The following CFAP20DC variants were observed in gnomAD, a reference collection of about 807,000 sequenced individuals.
The protein encoded by CFAP20DC is protein CFAP20DC.
Under a neutral mutation model 101.7 loss-of-function variants are expected in CFAP20DC, and 84 were observed. The observed-to-expected ratio is 0.83, with a 90% confidence interval of 0.69 to 0.99. CFAP20DC has a LOEUF of 0.99. Ranked by LOEUF, CFAP20DC falls within the 50% of genes least tolerant of loss-of-function variation. The pLI, the probability that CFAP20DC is intolerant of heterozygous loss-of-function variation, is 0.00. For missense variants in CFAP20DC, 1,007 were observed against 970.3 expected (o/e 1.04, Z -0.50); for synonymous variants, 359 against 351.2 (o/e 1.02, Z -0.25).
intron 15 of CFAP20DC, among the ~76,000 whole-genome samples, chr3:58,762,837 A>C (rs58943876): frequency 0.089 from 13,445 of 151,582 alleles, 971 homozygotes; most frequent in East Asian, 0.35. Flanking sequence ...GTTGAAAATT[A>C]TTTTCTTTAA....
At chr3:58,809,025 T>C (rs2074368622) in intron 14 of CFAP20DC, among the ~76,000 whole-genome samples, 2 of 151,902 alleles carry the variant, frequency 1.3e-5, no homozygotes, top group African/African-American at 2.4e-5. Context: ...CTATCCTAAA[T>C]ATATATGCAC....
chr3:58,748,671 G>T (rs2068367596), intron 16 of CFAP20DC, among the ~76,000 whole-genome samples: 1 of 152,134 alleles, frequency 6.6e-6, no homozygotes, highest in African/African-American at 2.4e-5. Context: ...GGTGCTATGG[G>T]TCTAAGAAGA....
At chr3:58,780,519 A>T (rs563428733) in intron 15 of CFAP20DC, among the ~76,000 whole-genome samples, 194 of 152,176 alleles carry the variant, frequency 1.3e-3, no homozygotes, top group Middle Eastern at 0.01. Flanking sequence ...AAAAAAAAAG[A>T]TCCAAGTATA....
At position 58,869,360 on chromosome 3, in the gene CFAP20DC, A is replaced by G; in HGVS notation, c.983T>C (p.Ile328Thr). Residue 328 changes from isoleucine to threonine, a missense_variant, in exon 9 of 17, where the codon ATT becomes ACT. Ile to Thr is a moderately conservative substitution (Grantham distance 89). Transcript: ENST00000482387. This position sits in a 1 kb window ranked among gnomAD's most constrained non-coding sequence, Gnocchi z 4.3. ...ESEEQGNKEN[I>T]HQIKQTVPIH... Reference sequence around the variant, plus strand: ...AGGTACAGTCTGCTTTATTTGGTGAATATTTTCTTTATTTCCTTGTTCCTC... The same window carrying G: ...AGGTACAGTCTGCTTTATTTGGTGAGTATTTTCTTTATTTCCTTGTTCCTC... 1 of 1,613,556 alleles carries G rather than the reference A, an allele frequency of 6.2e-7. No individual in the cohort carries two copies. Among genetic ancestry groups the G allele is most frequent in the Non-Finnish European group, 8.5e-7 (1 of 1,179,636 alleles).
At chr3:58,949,243 A>G (rs551955072) in intron 4 of CFAP20DC, among the ~76,000 whole-genome samples, 1 of 152,234 alleles carries the variant, frequency 6.6e-6, no homozygotes, top group Admixed American at 6.5e-5. Flanking sequence ...CAGCTCCTGG[A>G]TTCATCGATT....
intron 12 of CFAP20DC, among the ~76,000 whole-genome samples, chr3:58,857,012 A>C (rs1387738528): frequency 1.3e-5 from 2 of 152,168 alleles, no homozygotes; most frequent in Non-Finnish European, 2.9e-5. Context: ...GTTTTCAGTA[A>C]ACATTAATGC....
At chr3:59,039,315 A>C (rs1458188567) in intron 4 of CFAP20DC, among the ~76,000 whole-genome samples, 2 of 152,102 alleles carry the variant, frequency 1.3e-5, no homozygotes, top group Non-Finnish European at 2.9e-5. Flanking sequence ...TTGTCAAAAT[A>C]ATAATCCTTT....
chr3:58,993,121 T>C (rs2092996207), intron 4 of CFAP20DC, among the ~76,000 whole-genome samples: 1 of 152,200 alleles, frequency 6.6e-6, no homozygotes, highest in Non-Finnish European at 1.5e-5. Flanking sequence ...GTTGAATATA[T>C]CTAACACCAC....
At chr3:58,875,075 C>T (rs1258939252) in intron 7 of CFAP20DC, among the ~76,000 whole-genome samples, 2 of 152,066 alleles carry the variant, frequency 1.3e-5, no homozygotes, top group Admixed American at 6.5e-5. Context: ...AACTCCAGGA[C>T]GTGAGGGATG....
intron 15 of CFAP20DC, among the ~76,000 whole-genome samples, chr3:58,755,078 C>T (rs1372727332): frequency 6.6e-6 from 1 of 152,144 alleles, no homozygotes; most frequent in Non-Finnish European, 1.5e-5. Flanking sequence ...GAATGATTAA[C>T]AGTCTATACA....
chr3:58,955,832 T>G (rs2090574263), intron 4 of CFAP20DC, among the ~76,000 whole-genome samples: 1 of 151,428 alleles, frequency 6.6e-6, no homozygotes. Context: ...GATTCTGTCT[T>G]GCACCTTGGA....
At chr3:58,765,838 A>C (rs1252256515) in intron 15 of CFAP20DC, among the ~76,000 whole-genome samples, 1 of 152,172 alleles carries the variant, frequency 6.6e-6, no homozygotes, top group East Asian at 1.9e-4. Flanking sequence ...AGATTTTAAA[A>C]ATCTTTTATG....
chr3:58,736,305 G>C (rs1378105764), intron 3 of CFAP20DC, among the ~76,000 whole-genome samples: 2 of 152,188 alleles, frequency 1.3e-5, no homozygotes, highest in African/African-American at 4.8e-5. Context: ...TTCAGGGTCT[G>C]AAATGTCTGA....
intron 4 of CFAP20DC, among the ~76,000 whole-genome samples, chr3:58,986,523 A>G (rs183340683): frequency 1.3e-5 from 2 of 152,214 alleles, no homozygotes; most frequent in East Asian, 3.9e-4. Context: ...AAAATCAAAA[A>G]CAAACTAGCA....
chr3:58,847,460 C>T (rs1290355444), intron 13 of CFAP20DC, among the ~76,000 whole-genome samples: 1 of 150,142 alleles, frequency 6.7e-6, no homozygotes, highest in Admixed American at 6.6e-5. Context: ...ATCAAAACCA[C>T]AATGAGATAC....
At chr3:59,019,879 T>C (rs1206504324) in intron 4 of CFAP20DC, among the ~76,000 whole-genome samples, 3 of 152,018 alleles carry the variant, frequency 2.0e-5, no homozygotes, top group African/African-American at 7.2e-5. Flanking sequence ...TACTAACATG[T>C]TATTTGTTTT....
At chr3:58,817,007 G>A (rs1008717825) in intron 14 of CFAP20DC, among the ~76,000 whole-genome samples, 1 of 152,122 alleles carries the variant, frequency 6.6e-6, no homozygotes, top group African/African-American at 2.4e-5. Flanking sequence ...GCCTAACTGG[G>A]AGGCACCCCC....
intron 13 of CFAP20DC, among the ~76,000 whole-genome samples, chr3:58,836,372 G>A (rs923814980): frequency 5.9e-5 from 9 of 152,062 alleles, no homozygotes; most frequent in Admixed American, 2.6e-4. Flanking sequence ...GATGTCCTTC[G>A]CCCAATCTAT....
chr3:58,814,145 G>A (rs928537946), intron 14 of CFAP20DC, among the ~76,000 whole-genome samples: 1 of 151,714 alleles, frequency 6.6e-6, no homozygotes, highest in African/African-American at 2.4e-5. Context: ...GACTCTCTAA[G>A]CATCACAGAC....
Sources: allele counts gnomAD v4.1 joint callset (sites outside exome capture counted in the v4.1 genomes callset), GRCh38; gene constraint gnomAD v4.1.1; non-coding constraint Gnocchi (gnomAD v3.1); transcripts MANE v1.5; gene names NCBI Gene and HGNC (gene_info 2026-07-23, HGNC 2026-07-21).